Variants in FREM1 observed in about 807,000 individuals in gnomAD.
FREM1 encodes FRAS1 related extracellular matrix 1.
A neutral mutation model predicts 210.1 loss-of-function variants in FREM1; 220 were observed. That is an observed-to-expected ratio of 1.05 (90% CI 0.94 to 1.17). The LOEUF (loss-of-function observed/expected upper bound fraction) is 1.17, where lower values mean the gene tolerates loss of function less well. Ranked by LOEUF, FREM1 falls within the 50% of genes most tolerant of loss-of-function variation. The probability of loss-of-function intolerance (pLI) is 0.00; values close to 1 mark genes in which losing one functional copy is unlikely to be tolerated. For synonymous variants in FREM1, 1,189 were observed against 980.2 expected, an observed-to-expected ratio of 1.21 and a Z score of -3.98; for missense variants, 3,454 against 2,675.5, an observed-to-expected ratio of 1.29 and a Z score of -6.42.
chr9:14,818,037 T>C (rs998121360), intron 14 of FREM1, among the ~76,000 whole-genome samples: 1 of 152,252 alleles, frequency 6.6e-6, no homozygotes, highest in African/African-American at 2.4e-5. Context: ...ATATACTAGC[T>C]GAATGAACTT....
chr9:14,742,099 C>G (rs1841674278), intron 35 of FREM1, among the ~76,000 whole-genome samples: 1 of 152,054 alleles, frequency 6.6e-6, no homozygotes, highest in African/African-American at 2.4e-5. Flanking sequence ...TTATTTTATG[C>G]TCACATACAT....
At chr9:14,778,829 G>T (rs937391606) in intron 24 of FREM1, among the ~76,000 whole-genome samples, 1 of 149,876 alleles carries the variant, frequency 6.7e-6, no homozygotes, top group Non-Finnish European at 1.5e-5. Context: ...GAGCGCTCGA[G>T]CTCAGGAGTT....
In FREM1 at chr9:14,776,253, T is replaced by C. The variant is rs182814476; in HGVS notation, c.4443-50A>G. The stretch of plus-strand genomic sequence containing the variant: ...TTCAGCATGGATTCTTGTGTCACCA[T>C]CTACTGGAATGAAATGATAACAATA... On this transcript the variant is annotated intron_variant, in intron 24 of 36. Coordinates refer to ENST00000380880, the MANE Select transcript of FREM1 (RefSeq NM_001379081.2). The C allele has an allele frequency of 6.6e-5, 99 of 1,496,322 alleles. No homozygotes were observed. Among genetic ancestry groups the C allele is most frequent in the Middle Eastern group, 3.6e-4 (2 of 5,556 alleles). 92.7% of individuals were successfully genotyped at this position (1,496,322 alleles called of 1,614,324 possible). A position where few individuals can be genotyped will look rare whatever the true frequency, so the allele number is the denominator to read the frequency against.
At chr9:14,860,694 C>CACATATATACACACATATAT (rs1564100378) in intron 3 of FREM1, among the ~76,000 whole-genome samples, 1 of 93,686 alleles carries the variant, frequency 1.1e-5, no homozygotes, top group African/African-American at 4.9e-5. Flanking sequence ...CACATATATA[C>CACATATATACACACATATAT]ACACATATAT....
chr9:14,845,924 G>A (rs765514737), intron 8 of FREM1, 36 bp downstream of exon 8: 1 of 1,608,458 alleles, frequency 6.2e-7, no homozygotes, highest in Non-Finnish European at 8.5e-7. Flanking sequence ...AAATACTTTT[G>A]GATTCTTTGC....
At chr9:14,778,530 C>T (rs1010378231) in intron 24 of FREM1, among the ~76,000 whole-genome samples, 9 of 146,470 alleles carry the variant, frequency 6.1e-5, no homozygotes, top group African/African-American at 2.3e-4. Flanking sequence ...ATCACTTGAT[C>T]CTGGGAGGTT....
At position 14,770,806 on chromosome 9, in the gene FREM1, C is replaced by T. The variant is rs1486010185; in HGVS notation, c.4858G>A (p.Val1620Ile). The T allele has an allele frequency of 1.9e-6, 3 of 1,608,222 alleles. No individual in the cohort carries two copies. Among genetic ancestry groups the T allele is most frequent in the Non-Finnish European group, 2.5e-6 (3 of 1,176,628 alleles). Residue 1620 changes from valine to isoleucine, a missense_variant and splice_region_variant, in exon 26 of 37, where the codon GTA becomes ATA. Coordinates refer to ENST00000380880, the MANE Select transcript of FREM1 (RefSeq NM_001379081.2). ...GGAGCTGTTTTGTCCAATTGGTCTA[C>T]CTGGATCATCAACAATGACATAAAA... ...WEEPVLFTIQ[V>I]DQLDKTAPRI...
At chr9:14,850,273 C>T (rs1328938681) in intron 6 of FREM1, among the ~76,000 whole-genome samples, 1 of 152,100 alleles carries the variant, frequency 6.6e-6, no homozygotes, top group Non-Finnish European at 1.5e-5. Context: ...AGAAGTAGGA[C>T]CTTCCCGATG....
At position 14,807,528 on chromosome 9, in the gene FREM1, C is replaced by T. The variant is rs147322954; in HGVS notation, c.3088+412G>A. 1.8e-3 allele frequency among the ~76,000 whole-genome samples: 275 copies of T among 152,112 alleles called. 1 individual carries two copies. Among genetic ancestry groups the T allele is most frequent in the Non-Finnish European group, 3.2e-3 (216 of 67,976 alleles). On this transcript the variant is annotated intron_variant, in intron 17 of 36. Coordinates refer to ENST00000380880, the MANE Select transcript of FREM1 (RefSeq NM_001379081.2). The stretch of plus-strand genomic sequence containing the variant: ...GTTAAATGTATATAAATGGTCTCTC[C>T]GGTATACTCACTCTGTTCTAATAGA...
Position 14,775,904 on chromosome 9 carries a change from T to A in FREM1, c.4742A>T (p.His1581Leu), listed in dbSNP as rs1420486750. The A allele has an allele frequency of 6.2e-7, 1 of 1,613,970 alleles. No homozygotes were observed. The highest frequency in any genetic ancestry group is 1.1e-5 in the South Asian group (1 of 91,082). The change falls in exon 25 of 37, where the codon CAC becomes CTC. Residue 1581 changes from histidine to leucine, a missense_variant. Transcript: ENST00000380880. The part of the protein sequence containing the change: ...DVDSKNVAYR[H>L]SGGDSQTDCF... ...GTCAGTCTGGGAGTCCCCTCCTGAG[T>A]GCCGATAGGCCACATTCTTGCTGTC... is the stretch of plus-strand genomic sequence containing the variant.
chr9:14,876,729 G>A (rs569616451), intron 1 of FREM1, among the ~76,000 whole-genome samples: 220 of 152,218 alleles, frequency 1.4e-3, no homozygotes, highest in South Asian at 3.7e-3. Flanking sequence ...AGATGAACCC[G>A]GTACCTCAGA....
At chr9:14,844,863 A>G (rs958744179) in intron 8 of FREM1, among the ~76,000 whole-genome samples, 1 of 152,228 alleles carries the variant, frequency 6.6e-6, no homozygotes, top group African/African-American at 2.4e-5. Context: ...TGGGTCTTCA[A>G]GCCTCAAATA....
chr9:14,816,802 T>C lies in FREM1; in HGVS notation c.2616A>G (p.Ser872=). 7.0e-7 allele frequency: 1 copy of C among 1,433,640 alleles called. No homozygotes were observed. The highest frequency in any genetic ancestry group is 9.4e-7 in the Non-Finnish European group (1 of 1,065,652). 88.8% of individuals were successfully genotyped at this position (1,433,640 alleles called of 1,614,324 possible). Residue 872 remains serine, a synonymous_variant, in exon 15 of 37, where the codon TCA becomes TCG. Transcript: ENST00000380880. ...LLLEVTDGTN[S]AEFVLHVEVF... is the part of the protein sequence containing the mutation. ...CCTCAACATGTAGTACAAATTCTGC[T>C]GAATTTGTGCCATCGGTGACCTCCA...
Position 14,746,989 on chromosome 9 carries a change from T to C in FREM1, c.6072A>G (p.Glu2024=), listed in dbSNP as rs1442827295. 6.2e-7 allele frequency: 1 copy of C among 1,613,312 alleles called. No individual in the cohort carries two copies. The highest frequency in any genetic ancestry group is 1.3e-5 in the African/African-American group (1 of 75,050). Reference sequence around the variant, plus strand: ...ACTGATACAGCTTCTGGATGCCTTCTTCAAAATGGAAGAGTCCCTTTAATT... The same window carrying C: ...ACTGATACAGCTTCTGGATGCCTTCCTCAAAATGGAAGAGTCCCTTTAATT... ...TLELKGLFHF[E]EGIQKLYQCN... The change falls in exon 34 of 37, where the codon GAA becomes GAG. Residue 2024 remains glutamate (E), a synonymous_variant. Transcript: ENST00000380880.
chr9:14,849,264 A>C (rs1190119895), intron 6 of FREM1, among the ~76,000 whole-genome samples: 1 of 152,212 alleles, frequency 6.6e-6, no homozygotes, highest in African/African-American at 2.4e-5. Context: ...TACACAGGAC[A>C]ACCTCCCAAA....
At chr9:14,895,422 T>G (rs1015985562) in intron 1 of FREM1, among the ~76,000 whole-genome samples, 8 of 152,286 alleles carry the variant, frequency 5.3e-5, no homozygotes, top group Non-Finnish European at 1.0e-4. Context: ...TGCTTATTCC[T>G]GTGAACCAAC....
rs531909696 is a variant in FREM1 at position 14,835,302 on chromosome 9, G to A, written c.1881+6145C>T. 2.5e-4 allele frequency among the ~76,000 whole-genome samples: 38 copies of A among 152,214 alleles called. No individual in the cohort carries two copies. In the East Asian group the frequency reaches 3.3e-3, roughly 13 times the overall value. ...ATTTGGAGCATGTTCATTTTTCTCCGCCTGATTCCTCTAGAATTTGGAGAC... is the reference window on the plus strand; with the variant it reads ...ATTTGGAGCATGTTCATTTTTCTCCACCTGATTCCTCTAGAATTTGGAGAC... On this transcript the variant is annotated intron_variant, in intron 10 of 36. Transcript: ENST00000380880.
At chr9:14,745,099 A>G (rs890370469) in intron 35 of FREM1, among the ~76,000 whole-genome samples, 6 of 152,142 alleles carry the variant, frequency 3.9e-5, no homozygotes, top group Non-Finnish European at 7.4e-5. Flanking sequence ...AACAACGCAC[A>G]GTGGGGTCTA....
intron 3 of FREM1, among the ~76,000 whole-genome samples, chr9:14,861,202 C>CACATAT (rs1830358939): frequency 2.1e-5 from 2 of 97,214 alleles, no homozygotes; most frequent in East Asian, 5.0e-4. Flanking sequence ...TACATATATA[C>CACATAT]ACACATATAC....
Sources: gnomAD v4.1 joint callset for allele counts (sites outside exome capture counted in the v4.1 genomes callset) on GRCh38, gnomAD v4.1.1 for gene constraint, MANE v1.5 for transcripts, NCBI Gene and HGNC (gene_info 2026-07-23, HGNC 2026-07-21) for gene names.